Variants in IP6K3 observed in about 807,000 individuals in gnomAD.
The protein encoded by IP6K3 is ATP:1D-myo-inositol-hexakisphosphate phosphotransferase.
IP6K3 carries 20 observed loss-of-function variants against 28.8 expected under a neutral mutation model. The observed-to-expected ratio is 0.70, with a 90% CI of 0.49 to 1.01. The LOEUF (loss-of-function observed/expected upper bound fraction) is 1.01, where lower values mean the gene tolerates loss of function less well. IP6K3 is among the 50% of genes least tolerant of loss of function. The probability of loss-of-function intolerance (pLI) is 0.00; values close to 1 mark genes in which losing one functional copy is unlikely to be tolerated. For synonymous variants in IP6K3, 213 were observed against 221.3 expected (o/e 0.96, Z 0.33); for missense variants, 480 against 537.1 (o/e 0.89, Z 1.05).
intron 2 of IP6K3, among the ~76,000 whole-genome samples, chr6:33,733,339 G>A (rs952184674): frequency 6.6e-6 from 1 of 152,260 alleles, no homozygotes; most frequent in African/African-American, 2.4e-5. Flanking sequence ...TGGAGCAGAG[G>A]CCTGAACAGA....
chr6:33,735,205 G>A (rs1383653343), intron 2 of IP6K3, 73 bp downstream of exon 2: 4 of 1,284,326 alleles, frequency 3.1e-6, no homozygotes, highest in South Asian at 1.2e-5. Flanking sequence ...ACAGGAGGAC[G>A]TGGTGGGTGC....
At position 33,742,208 on chromosome 6, in the gene IP6K3, G is replaced by A. The variant is rs578191222; in HGVS notation, c.-180+4550C>T. 9.2e-5 allele frequency among the ~76,000 whole-genome samples: 14 copies of A among 152,240 alleles called. No homozygotes were observed. In the East Asian group the frequency reaches 2.1e-3, roughly 23 times the overall value. ...CAGGCACCAATGCTGGGACTCGGCC[G>A]TGATGAGTCTGTCTCACTCTGAAGT... On this transcript the variant is annotated intron_variant, in intron 1 of 5. Transcript: ENST00000293756. This position sits in a 1 kb window ranked among gnomAD's most constrained non-coding sequence, Gnocchi z 4.5.
the IP6K3 span, among the ~76,000 whole-genome samples, chr6:33,752,855 G>A: frequency 6.6e-6 from 1 of 152,234 alleles, no homozygotes; most frequent in Non-Finnish European, 1.5e-5. Context: ...TTGGACTGTT[G>A]TGATGTTTCC....
At chr6:33,727,916 A>AAATCCATTCCT (rs1766176143) in intron 3 of IP6K3, 171 bp downstream of exon 3, 1 of 985,364 alleles carries the variant, frequency 1.0e-6, no homozygotes, top group African/African-American at 1.7e-5. Context: ...GACATAAAGA[A>AAATCCATTCCT]AATCCATTCC....
chr6:33,722,853 A>G lies in IP6K3; in HGVS notation c.1100T>C (p.Met367Thr), dbSNP rs1040529413. Residue 367 changes from methionine (M) to threonine (T), a missense_variant, in exon 6 of 6, where the codon ATG (methionine) becomes ACG (threonine). Coordinates refer to ENST00000293756, the MANE Select transcript of IP6K3 (RefSeq NM_054111.5). The stretch of plus-strand genomic sequence containing the variant: ...GTATGTGGTATGAGCAAAGTCAATC[A>G]TGCGGATGTCAACCTTGGTGAGACC... ...PGGLTKVDIR[M>T]IDFAHTTYKG... 9 of 1,613,524 alleles carry G rather than the reference A, an allele frequency of 5.6e-6. No homozygotes were observed. Among genetic ancestry groups the G allele is most frequent in the Non-Finnish European group, 7.6e-6 (9 of 1,179,424 alleles).
chr6:33,723,917 A>G (rs551150125), intron 5 of IP6K3, among the ~76,000 whole-genome samples: 1 of 152,304 alleles, frequency 6.6e-6, no homozygotes, highest in African/African-American at 2.4e-5. Context: ...GATGGGGGAC[A>G]GTGGCAGCAA....
chr6:33,725,322 T>C, intron 5 of IP6K3, 119 bp downstream of exon 5: 1 of 994,328 alleles, frequency 1.0e-6, no homozygotes, highest in Non-Finnish European at 1.4e-6. Context: ...GCCTCCTCTG[T>C]GGCTCCTCCA....
At position 33,721,836 on chromosome 6, in the gene IP6K3, G is replaced by A. The variant is rs1765910448; in HGVS notation, c.*884C>T. ...CTTGTCCACCAGTCTTGTAAACATT[G>A]CCCCTGGTTTCCTCCGTCCTCCAGG... On this transcript the variant is annotated 3_prime_UTR_variant, in exon 6 of 6. Transcript: ENST00000293756. 6.6e-6 allele frequency: 1 copy of A among 152,444 alleles called. No individual in the cohort carries two copies. 9.4% of individuals were successfully genotyped at this position (152,444 alleles called of 1,614,324 possible).
At position 33,731,784 on chromosome 6, in the gene IP6K3, C is replaced by T. The variant is rs141920713; in HGVS notation, c.200-3484G>A. ...GTTCAAGAGCCATGCAAGCTCCAGC[C>T]TGGTCTCCAGCTTGCCCTGTGTGTC... On this transcript the variant is annotated intron_variant, in intron 2 of 5. Coordinates refer to ENST00000293756, the MANE Select transcript of IP6K3 (RefSeq NM_054111.5). Among the ~76,000 whole-genome samples the T allele has an allele frequency of 2.2e-3, 339 of 152,266 alleles. 3 individuals are homozygous for T. The highest frequency in any genetic ancestry group is 3.9e-3 in the Admixed American group (60 of 15,302).
chr6:33,739,240 G>A (rs969491970), intron 1 of IP6K3: 1 of 152,072 alleles, frequency 6.6e-6, no homozygotes, highest in East Asian at 1.9e-4. Context: ...GATTGGCAGC[G>A]ATTGTCTACC....
Position 33,728,181 on chromosome 6 carries a change from A to G in IP6K3, c.319T>C (p.Trp107Arg), listed in dbSNP as rs542157960. 1.2e-5 allele frequency: 19 copies of G among 1,613,732 alleles called. No homozygotes were observed. The highest frequency in any genetic ancestry group is 6.7e-5 in the East Asian group (3 of 44,862). Reference protein sequence around the residue: ...VSTESAAVAIWQTLQQTTGSN... With the variant: ...VSTESAAVAIRQTLQQTTGSN... ...CCGGTGGTCTGCTGGAGCGTCTGCC[A>G]TATGGCCACCGCCGCCGACTCTGTG... is the stretch of plus-strand genomic sequence containing the variant. The change falls in exon 3 of 6, where the codon TGG becomes CGG. Residue 107 changes from tryptophan to arginine, a missense_variant. Trp to Arg is a moderately radical substitution (Grantham distance 101). Transcript: ENST00000293756.
the IP6K3 span, among the ~76,000 whole-genome samples, chr6:33,753,890 G>C: frequency 6.6e-6 from 1 of 152,042 alleles, no homozygotes; most frequent in Admixed American, 6.6e-5. Context: ...CTCACTGCAA[G>C]CTCTGCCTCC....
chr6:33,743,511 G>A (rs1194425223), intron 1 of IP6K3, among the ~76,000 whole-genome samples: 1 of 152,192 alleles, frequency 6.6e-6, no homozygotes, highest in Non-Finnish European at 1.5e-5. Flanking sequence ...GAAATTTGGA[G>A]TTTCTCACAT....
At chr6:33,758,389 G>C in the IP6K3 span, among the ~76,000 whole-genome samples, 1 of 152,158 alleles carries the variant, frequency 6.6e-6, no homozygotes, top group South Asian at 2.1e-4. Context: ...AAACTGGCCA[G>C]GTGTGGTGGC....
the IP6K3 span, among the ~76,000 whole-genome samples, chr6:33,755,319 G>A: frequency 3.3e-4 from 51 of 152,352 alleles, no homozygotes; most frequent in African/African-American, 1.2e-3. Context: ...CCCTGCAGGT[G>A]CAGATAAAAT....
chr6:33,729,484 G>T (rs148589736), intron 2 of IP6K3, among the ~76,000 whole-genome samples: 1 of 152,310 alleles, frequency 6.6e-6, no homozygotes, highest in South Asian at 2.1e-4. Context: ...GATTTGCCCA[G>T]TGGGGGGCAC....
chr6:33,756,503 A>C, the IP6K3 span, among the ~76,000 whole-genome samples: 1 of 152,040 alleles, frequency 6.6e-6, no homozygotes, highest in Non-Finnish European at 1.5e-5. Context: ...AGACAGAGAG[A>C]GAGCGAGAGA....
At chr6:33,729,239 T>C (rs1280285092) in intron 2 of IP6K3, among the ~76,000 whole-genome samples, 3 of 152,264 alleles carry the variant, frequency 2.0e-5, no homozygotes, top group Non-Finnish European at 2.9e-5. Context: ...TCCGTGGAGC[T>C]TGGCCTCCAG....
intron 5 of IP6K3, among the ~76,000 whole-genome samples, chr6:33,723,998 G>T (rs889905085): frequency 6.6e-6 from 1 of 152,244 alleles, no homozygotes; most frequent in East Asian, 1.9e-4. Flanking sequence ...CATGGCCGGG[G>T]GGGGGTGGCA....
Sources: gnomAD v4.1 joint callset for allele counts (sites outside exome capture counted in the v4.1 genomes callset) on GRCh38, gnomAD v4.1.1 for gene constraint, Gnocchi (gnomAD v3.1) non-coding constraint, MANE v1.5 for transcripts, NCBI Gene and HGNC (gene_info 2026-07-23, HGNC 2026-07-21) for gene names.